Variants in CACNA1I observed in about 807,000 individuals in gnomAD.
The protein encoded by CACNA1I is calcium voltage-gated channel subunit alpha1 I.
In CACNA1I, 74 loss-of-function variants were observed where a neutral mutation model predicts 201.6. That is an observed-to-expected ratio of 0.37 (90% CI 0.30 to 0.45). The LOEUF (loss-of-function observed/expected upper bound fraction) is 0.45, where lower values mean the gene tolerates loss of function less well. Among genes scored for constraint, CACNA1I ranks in the 20% least tolerant of loss-of-function variants. The probability of loss-of-function intolerance (pLI) is 1.00; values close to 1 mark genes in which losing one functional copy is unlikely to be tolerated. For missense variants in CACNA1I, 2,346 were observed against 3,138.1 expected (o/e 0.75, Z 6.03); for synonymous variants, 1,431 against 1,345.2 (o/e 1.06, Z -1.40).
At chr22:39,679,662 C>T in intron 32 of CACNA1I, 60 bp from the exon 33 acceptor site, 1 of 1,499,382 alleles carries the variant, frequency 6.7e-7, no homozygotes, top group East Asian at 2.4e-5. Flanking sequence ...CTGCCCACCC[C>T]ACAGCCCCGG....
Position 39,686,259 on chromosome 22 carries a change from C to T in CACNA1I, c.6526C>T (p.Arg2176Trp), listed in dbSNP as rs1935872600. 7.8e-7 allele frequency: 1 copy of T among 1,287,594 alleles called. No homozygotes were observed. The highest frequency in any genetic ancestry group is 9.8e-7 in the Non-Finnish European group (1 of 1,016,656). The allele number at this position is 1,287,594 out of a possible 1,614,324, so 79.8% of individuals were successfully genotyped here. A position where few individuals can be genotyped will look rare whatever the true frequency, so the allele number is the denominator to read the frequency against. ...CGCCGCCCTGGCCCACGGCCTGGCC[C>T]GGAGCCCCTCGTGGGCCGCGGACCG... ...HAAALAHGLA[R>W]SPSWAADRSK... The change falls in exon 37 of 37, where the codon CGG becomes TGG. Residue 2176 changes from arginine to tryptophan, a missense_variant. This residue lies in a region of CACNA1I where 187 missense variants were observed against 151.0 expected (regional missense o/e 1.24). Coordinates refer to ENST00000402142, the MANE Select transcript of CACNA1I (RefSeq NM_021096.4).
At position 39,688,227 on chromosome 22, in the gene CACNA1I, C is replaced by T. The variant is rs1385188240; in HGVS notation, c.*1822C>T. ...AGCTGGGGTGGTGTGGAGGGCCCTA[C>T]TCCACACCCTAGAGCTGTGATGCTG... On this transcript the variant is annotated 3_prime_UTR_variant, in exon 37 of 37. Coordinates refer to ENST00000402142, the MANE Select transcript of CACNA1I (RefSeq NM_021096.4). The surrounding 1 kb of genome is among the most constrained non-coding windows in gnomAD (Gnocchi z 4.8). The T allele has an allele frequency of 6.6e-6, 1 of 152,310 alleles. No homozygotes were observed. The highest frequency in any genetic ancestry group is 1.5e-5 in the Non-Finnish European group (1 of 68,138). The allele number at this position is 152,310 out of a possible 1,614,324, so 9.4% of individuals were successfully genotyped here.
At chr22:39,624,598 C>T (rs1933847135) in intron 4 of CACNA1I, among the ~76,000 whole-genome samples, 2 of 152,216 alleles carry the variant, frequency 1.3e-5, no homozygotes, top group Non-Finnish European at 2.9e-5. Context: ...CCTGGAAGGG[C>T]CCTGCAGATA....
At chr22:39,606,568 T>G (rs982413799) in intron 3 of CACNA1I, among the ~76,000 whole-genome samples, 7 of 152,246 alleles carry the variant, frequency 4.6e-5, no homozygotes, top group African/African-American at 1.4e-4. Flanking sequence ...GGTCTCTTTC[T>G]GTTGCCCAGG....
At chr22:39,601,296 G>T (rs1933021573) in intron 3 of CACNA1I, among the ~76,000 whole-genome samples, 1 of 152,246 alleles carries the variant, frequency 6.6e-6, no homozygotes, top group Non-Finnish European at 1.5e-5. Context: ...CACAGGCCTT[G>T]TCCTTCCTAC....
chr22:39,608,205 G>T (rs1023173710), intron 3 of CACNA1I, among the ~76,000 whole-genome samples: 1 of 152,068 alleles, frequency 6.6e-6, no homozygotes, highest in Non-Finnish European at 1.5e-5. Flanking sequence ...CTGTTTGGGC[G>T]GCAGGAGAAT....
intron 5 of CACNA1I, among the ~76,000 whole-genome samples, chr22:39,636,459 T>G (rs994215758): frequency 7.2e-5 from 11 of 152,216 alleles, no homozygotes; most frequent in African/African-American, 2.4e-4. Context: ...CTTCATTCTC[T>G]TAGGGTGGGT....
chr22:39,619,273 C>T, intron 3 of CACNA1I, 37 bp from the exon 4 acceptor site: 1 of 1,546,212 alleles, frequency 6.5e-7, no homozygotes, highest in South Asian at 1.1e-5. Flanking sequence ...CAGCTGGCCT[C>T]CAGCACCATC....
At chr22:39,612,959 C>T (rs1209539053) in intron 3 of CACNA1I, among the ~76,000 whole-genome samples, 1 of 152,226 alleles carries the variant, frequency 6.6e-6, no homozygotes, top group Non-Finnish European at 1.5e-5. Context: ...CACAGAGCTG[C>T]CTCCTGACAG....
At chr22:39,656,649 T>G (rs1269340517) in intron 10 of CACNA1I, 1 of 518,224 alleles carries the variant, frequency 1.9e-6, no homozygotes, top group South Asian at 1.4e-5. Context: ...CAGGAATGAA[T>G]GAATGAATGA....
intron 23 of CACNA1I, 28 bp from the exon 24 acceptor site, chr22:39,668,264 C>T: frequency 6.8e-7 from 1 of 1,469,080 alleles, no homozygotes; most frequent in Non-Finnish European, 9.5e-7. Context: ...GTCCTCACCC[C>T]TGCATTCCGC....
At chr22:39,635,234 C>T (rs1934176705) in intron 5 of CACNA1I, among the ~76,000 whole-genome samples, 1 of 152,198 alleles carries the variant, frequency 6.6e-6, no homozygotes, top group Non-Finnish European at 1.5e-5. Context: ...ATGGCGTGCA[C>T]CGACTAAGTG....
At position 39,598,274 on chromosome 22, in the gene CACNA1I, G is replaced by GCCCCCCC; in HGVS notation, c.348+16_348+17insCCCCCCC. 7.6e-7 allele frequency: 1 copy of GCCCCCCC among 1,311,228 alleles called. No individual in the cohort carries two copies. The highest frequency in any genetic ancestry group is 1.0e-6 in the Non-Finnish European group (1 of 971,820). The allele number at this position is 1,311,228 out of a possible 1,614,324, so 81.2% of individuals were successfully genotyped here. A position where few individuals can be genotyped will look rare whatever the true frequency, so the allele number is the denominator to read the frequency against. On this transcript the variant is annotated intron_variant, in intron 2 of 36. Coordinates refer to ENST00000402142, the MANE Select transcript of CACNA1I (RefSeq NM_021096.4). ...GCAAGATCCTGCAGGTGAGCCGGCC[G>GCCCCCCC]CCCCGCCCCGCCCCGCCCTGCCCTC...
At chr22:39,631,956 C>T (rs910608909) in intron 4 of CACNA1I, among the ~76,000 whole-genome samples, 1 of 151,992 alleles carries the variant, frequency 6.6e-6, no homozygotes, top group African/African-American at 2.4e-5. Context: ...GGCCCTGGGA[C>T]TCCCTGGGCC....
chr22:39,651,033 C>A (rs1197581964), intron 10 of CACNA1I, among the ~76,000 whole-genome samples: 1 of 152,120 alleles, frequency 6.6e-6, no homozygotes, highest in East Asian at 1.9e-4. Context: ...GGAAAAACAC[C>A]ATTTTCTGGC....
chr22:39,641,443 C>T (rs1041494239), intron 6 of CACNA1I, among the ~76,000 whole-genome samples: 1 of 152,252 alleles, frequency 6.6e-6, no homozygotes, highest in Admixed American at 6.5e-5. Flanking sequence ...GTCCCCAAAG[C>T]CTGAGCTCTT....
rs756769088 is a variant in CACNA1I at position 39,684,380 on chromosome 22, C to G, written c.5909C>G (p.Ser1970Cys). The change falls in exon 36 of 37, where the codon TCT becomes TGT. Residue 1970 changes from serine to cysteine, a missense_variant. Coordinates refer to ENST00000402142, the MANE Select transcript of CACNA1I (RefSeq NM_021096.4). This position sits in a 1 kb window ranked among gnomAD's most constrained non-coding sequence, Gnocchi z 4.6. ...GCCGAGTTCTTCCACCCTGCAGTGT[C>G]TGCCAGCCAGAAAGGCCCAGAAAAG... ...MPAEFFHPAV[S>C]ASQKGPEKGT... 6.2e-7 allele frequency: 1 copy of G among 1,613,654 alleles called. No individual in the cohort carries two copies. The highest frequency in any genetic ancestry group is 1.1e-5 in the South Asian group (1 of 91,028).
At chr22:39,655,945 C>T (rs1439810154) in intron 10 of CACNA1I, among the ~76,000 whole-genome samples, 2 of 152,208 alleles carry the variant, frequency 1.3e-5, no homozygotes, top group Non-Finnish European at 2.9e-5. Context: ...CTGGAGCCAG[C>T]TGATCATCAT....
At chr22:39,589,074 G>C (rs984574814) in intron 1 of CACNA1I, among the ~76,000 whole-genome samples, 3 of 152,096 alleles carry the variant, frequency 2.0e-5, no homozygotes, top group Non-Finnish European at 4.4e-5. Context: ...TGCATTCCTG[G>C]TCTCTACCCA....
Sources: gnomAD v4.1 joint callset for allele counts (sites outside exome capture counted in the v4.1 genomes callset) on GRCh38, gnomAD v4.1.1 for gene constraint, gnomAD v4.1.1 regional missense constraint, Gnocchi (gnomAD v3.1) non-coding constraint, MANE v1.5 for transcripts, NCBI Gene and HGNC (gene_info 2026-07-23, HGNC 2026-07-21) for gene names.